The following NRXN1 variants were observed in gnomAD, a reference collection of about 807,000 sequenced individuals.
NRXN1 encodes neurexin 1.
In NRXN1, 39 loss-of-function variants were observed where a neutral mutation model predicts 150.9. That is an observed-to-expected ratio of 0.26 (90% CI 0.20 to 0.34). The LOEUF is 0.34. Among genes scored for constraint, NRXN1 ranks in the 10% least tolerant of loss-of-function variants. NRXN1 has a pLI of 1.00. For synonymous variants in NRXN1, 924 were observed against 757.0 expected (o/e 1.22, Z -3.62); for missense variants, 1,815 against 1,949.9 (o/e 0.93, Z 1.30).
intron 5 of NRXN1, among the ~76,000 whole-genome samples, chr2:50,656,762 C>T (rs1040740381): frequency 6.6e-6 from 1 of 150,934 alleles, no homozygotes; most frequent in Non-Finnish European, 1.5e-5. Flanking sequence ...AAAAAAAAGA[C>T]AAAACAAACT....
At chr2:50,649,790 A>C (rs1685342153) in intron 5 of NRXN1, among the ~76,000 whole-genome samples, 1 of 151,878 alleles carries the variant, frequency 6.6e-6, no homozygotes, top group Non-Finnish European at 1.5e-5. Context: ...ACAAACTAGC[A>C]CTCTTGCTGG....
intron 21 of NRXN1, among the ~76,000 whole-genome samples, chr2:49,957,360 A>T (rs1050294847): frequency 6.6e-6 from 1 of 152,144 alleles, no homozygotes; most frequent in African/African-American, 2.4e-5. Flanking sequence ...ATGAATATTT[A>T]TTACATAGAT....
chr2:50,504,788 C>G (rs1269315085), intron 13 of NRXN1, among the ~76,000 whole-genome samples: 2 of 152,196 alleles, frequency 1.3e-5, no homozygotes, highest in African/African-American at 4.8e-5. Flanking sequence ...TCTAGACCAT[C>G]AAGTCATTGG....
rs571631535 is a variant in NRXN1, at chr2:50,074,032, C to A, written c.3718+17291G>T. On this transcript the variant is annotated intron_variant, in intron 19 of 22. Coordinates refer to ENST00000401669, the MANE Select transcript of NRXN1 (RefSeq NM_001330078.2). ...GGTATGAGTAGGATCCCAGCTGTGC[C>A]AATTAATGACACATATAACCATAGA... Among the ~76,000 whole-genome samples, 4 of 152,094 alleles carry A rather than the reference C, an allele frequency of 2.6e-5. No homozygotes were observed. In the East Asian group the frequency reaches 7.7e-4, roughly 29 times the overall value.
chr2:50,672,570 T>C (rs1430569000), intron 5 of NRXN1, among the ~76,000 whole-genome samples: 1 of 151,922 alleles, frequency 6.6e-6, no homozygotes, highest in Non-Finnish European at 1.5e-5. Context: ...AATCATCCAC[T>C]CTGATGTTAT....
At position 50,878,459 on chromosome 2, in the gene NRXN1, A is replaced by G. The variant is rs142909783; in HGVS notation, c.832+43410T>C. 5.1e-3 allele frequency among the ~76,000 whole-genome samples: 778 copies of G among 152,018 alleles called. 10 individuals carry two copies. The highest frequency in any genetic ancestry group is 6.8e-3 in the Middle Eastern group (2 of 294). On this transcript the variant is annotated intron_variant, in intron 5 of 22. Transcript: ENST00000401669. ...TCCACCTACACCCTACAGCTCTACA[A>G]CATCTGAAGTCGCCTCCAGTTTCTA...
chr2:50,066,291 T>TA (rs1695349986), intron 19 of NRXN1, among the ~76,000 whole-genome samples: 1 of 152,172 alleles, frequency 6.6e-6, no homozygotes, highest in South Asian at 2.1e-4. Flanking sequence ...ACACGTTGTC[T>TA]AGGGAGTCAA....
intron 12 of NRXN1, among the ~76,000 whole-genome samples, chr2:50,520,783 A>G (rs952488076): frequency 7.2e-5 from 11 of 152,002 alleles, no homozygotes; most frequent in African/African-American, 2.7e-4. Context: ...ACTCATCATA[A>G]TGGTCTAACT....
At chr2:50,267,347 G>A (rs980514348) in intron 17 of NRXN1, among the ~76,000 whole-genome samples, 3 of 152,098 alleles carry the variant, frequency 2.0e-5, no homozygotes, top group Admixed American at 6.6e-5. Context: ...ATTAGTGTAT[G>A]TCCTTGATAA....
chr2:50,863,897 A>G (rs1370777029), intron 5 of NRXN1, among the ~76,000 whole-genome samples: 2 of 152,014 alleles, frequency 1.3e-5, no homozygotes, highest in Admixed American at 1.3e-4. Context: ...ATGAGATAGG[A>G]AACTTTTTTG....
chr2:50,005,977 C>A lies in NRXN1; in HGVS notation c.4128+47294G>T, dbSNP rs73930973. Among the ~76,000 whole-genome samples, 189 of 152,198 alleles carry A rather than the reference C, an allele frequency of 1.2e-3. 2 individuals carry two copies. Among genetic ancestry groups the A allele is most frequent in the African/African-American group, 4.4e-3 (184 of 41,546 alleles). ...GAAAGTATAACTTGCCACCGGTGTCCGTGCTATTAAAAACACTCATGCAGA... is the reference window on the plus strand; with the variant it reads ...GAAAGTATAACTTGCCACCGGTGTCAGTGCTATTAAAAACACTCATGCAGA... On this transcript the variant is annotated intron_variant, in intron 21 of 22. Coordinates refer to ENST00000401669, the MANE Select transcript of NRXN1 (RefSeq NM_001330078.2).
intron 5 of NRXN1, among the ~76,000 whole-genome samples, chr2:50,719,105 G>T (rs1478177626): frequency 6.6e-6 from 1 of 151,478 alleles, no homozygotes; most frequent in Non-Finnish European, 1.5e-5. Context: ...TTAAAAATTT[G>T]GAGGCTTGGA....
intron 5 of NRXN1, among the ~76,000 whole-genome samples, chr2:50,688,417 T>C (rs892933254): frequency 6.6e-6 from 1 of 152,168 alleles, no homozygotes; most frequent in African/African-American, 2.4e-5. Context: ...TACCTTATTA[T>C]TGCATACTCA....
At chr2:49,991,695 C>G (rs1462905231) in intron 21 of NRXN1, among the ~76,000 whole-genome samples, 1 of 151,998 alleles carries the variant, frequency 6.6e-6, no homozygotes, top group Non-Finnish European at 1.5e-5. Context: ...CAATGCAATC[C>G]CAATCAAAAT....
At chr2:50,496,694 C>T (rs2091648066) in intron 14 of NRXN1, among the ~76,000 whole-genome samples, 1 of 152,134 alleles carries the variant, frequency 6.6e-6, no homozygotes, top group African/African-American at 2.4e-5. Context: ...GTATGACTCA[C>T]AGTGGTAGAA....
intron 10 of NRXN1, among the ~76,000 whole-genome samples, chr2:50,533,105 T>C (rs2105221418): frequency 6.6e-6 from 1 of 152,282 alleles, no homozygotes; most frequent in South Asian, 2.1e-4. Flanking sequence ...CTATTTGTTG[T>C]CATGATGGGA....
intron 5 of NRXN1, among the ~76,000 whole-genome samples, chr2:50,681,903 T>C (rs1044667812): frequency 6.6e-6 from 1 of 152,222 alleles, no homozygotes; most frequent in Non-Finnish European, 1.5e-5. Context: ...TTATTAGTTC[T>C]ATGATCTTTG....
chr2:50,847,854 G>A (rs1168661466), intron 5 of NRXN1, among the ~76,000 whole-genome samples: 1 of 152,080 alleles, frequency 6.6e-6, no homozygotes, highest in Non-Finnish European at 1.5e-5. Context: ...AGAAGAGTCC[G>A]GCTGCAAAGC....
intron 5 of NRXN1, among the ~76,000 whole-genome samples, chr2:50,768,194 T>G (rs1197469859): frequency 7.9e-5 from 12 of 152,114 alleles, no homozygotes; most frequent in Non-Finnish European, 1.5e-5. Context: ...GACTACTCTT[T>G]GGGATTCTCT....
Sources: gnomAD v4.1 joint callset for allele counts (sites outside exome capture counted in the v4.1 genomes callset) on GRCh38, gnomAD v4.1.1 for gene constraint, MANE v1.5 for transcripts, NCBI Gene and HGNC (gene_info 2026-07-23, HGNC 2026-07-21) for gene names.